Variants in SLC16A1 observed in about 807,000 individuals in gnomAD.
The protein encoded by SLC16A1 is solute carrier family 16 member 1, also known as monocarboxylate transporter 1.
SLC16A1 carries 11 observed loss-of-function variants against 32.2 expected under a neutral mutation model. The observed-to-expected ratio is 0.34, with a 90% CI of 0.21 to 0.56. The LOEUF (loss-of-function observed/expected upper bound fraction) is 0.56. SLC16A1 is among the 20% of genes least tolerant of loss of function. The pLI, the probability that SLC16A1 is intolerant of heterozygous loss-of-function variation, is 0.87. For missense variants in SLC16A1, 435 were observed against 615.0 expected (o/e 0.71, Z 3.10); for synonymous variants, 231 against 226.8 (o/e 1.02, Z -0.17).
At chr1:112,920,762 G>T (rs141208235) in intron 3 of SLC16A1, among the ~76,000 whole-genome samples, 56 of 151,932 alleles carry the variant, frequency 3.7e-4, no homozygotes, top group African/African-American at 1.4e-3. Flanking sequence ...CATAAAATAC[G>T]TTTTGAATAC....
intron 1 of SLC16A1, among the ~76,000 whole-genome samples, chr1:112,938,583 C>T (rs955990817): frequency 6.6e-6 from 1 of 152,152 alleles, no homozygotes; most frequent in East Asian, 1.9e-4. Context: ...AAAATATAAA[C>T]CTGTCTCTGC....
At chr1:112,931,954 G>T (rs914628088) in intron 1 of SLC16A1, among the ~76,000 whole-genome samples, 5 of 152,106 alleles carry the variant, frequency 3.3e-5, no homozygotes, top group Admixed American at 6.5e-5. Context: ...ACAGGTCAGA[G>T]ATGACAAGTT....
intron 2 of SLC16A1, among the ~76,000 whole-genome samples, chr1:112,923,242 C>A (rs925698483): frequency 6.9e-6 from 1 of 144,758 alleles, no homozygotes; most frequent in Admixed American, 6.9e-5. Context: ...TCATTTGAAT[C>A]CAGGAGGTGG....
intron 4 of SLC16A1, among the ~76,000 whole-genome samples, chr1:112,916,236 A>G (rs1648499406): frequency 6.7e-6 from 1 of 148,892 alleles, no homozygotes; most frequent in Non-Finnish European, 1.5e-5. Flanking sequence ...ATGGTGGCTC[A>G]TGCCTGTAAT....
intron 2 of SLC16A1, among the ~76,000 whole-genome samples, chr1:112,928,364 G>A (rs984497417): frequency 6.6e-6 from 1 of 152,204 alleles, no homozygotes; most frequent in Admixed American, 6.5e-5. Flanking sequence ...ACCTAGCCCA[G>A]TGCTGAATAT....
chr1:112,955,952 C>A (rs1298254200), intron 1 of SLC16A1, 83 bp downstream of exon 1: 1 of 152,312 alleles, frequency 6.6e-6, no homozygotes, highest in African/African-American at 2.4e-5. Context: ...TCTCCCAACC[C>A]CGGAGGTCCC....
chr1:112,940,192 C>G (rs979477941), intron 1 of SLC16A1, among the ~76,000 whole-genome samples: 10 of 151,790 alleles, frequency 6.6e-5, no homozygotes, highest in African/African-American at 2.2e-4. Context: ...CATGAGACAC[C>G]ATGCCTGGCT....
At chr1:112,941,927 C>G (rs934172335) in intron 1 of SLC16A1, among the ~76,000 whole-genome samples, 10 of 152,096 alleles carry the variant, frequency 6.6e-5, no homozygotes, top group African/African-American at 2.4e-4. Context: ...CCCTTAATTT[C>G]CAGCCTTTCT....
In SLC16A1 at chr1:112,917,336, C is replaced by G; in HGVS notation, c.1070G>C (p.Cys357Ser). Reference sequence around the variant, plus strand: ...AAATCCAAAGAATCCCGCATAGACACAGAATCCAACATAGGTAGTGGATAA... The same window carrying G: ...AAATCCAAAGAATCCCGCATAGACAGAGAATCCAACATAGGTAGTGGATAA... ...APLSTTYVGFCVYAGFFGFAF... is the reference protein window; with the variant it reads ...APLSTTYVGFSVYAGFFGFAF... Residue 357 changes from cysteine (C) to serine (S), a missense_variant, in exon 4 of 5, where the codon TGT (cysteine) becomes TCT (serine). Coordinates refer to ENST00000369626, the MANE Select transcript of SLC16A1 (RefSeq NM_003051.4). This position sits in a 1 kb window ranked among gnomAD's most constrained non-coding sequence, Gnocchi z 4.1. 6.2e-7 allele frequency: 1 copy of G among 1,614,218 alleles called. No homozygotes were observed. The highest frequency in any genetic ancestry group is 8.5e-7 in the Non-Finnish European group (1 of 1,180,042).
intron 1 of SLC16A1, among the ~76,000 whole-genome samples, chr1:112,932,179 T>TA (rs1407857931): frequency 1.3e-5 from 2 of 152,038 alleles, no homozygotes; most frequent in African/African-American, 2.4e-5. Flanking sequence ...CATTCTACTA[T>TA]AGGTTCTAGC....
intron 2 of SLC16A1, chr1:112,922,426 CT>C: frequency 2.4e-6 from 1 of 416,496 alleles, no homozygotes; most frequent in Non-Finnish European, 4.5e-6. Flanking sequence ...CTGAAAACAC[CT>C]TGGTAATGGA....
chr1:112,954,406 C>T (rs973259950), intron 1 of SLC16A1, among the ~76,000 whole-genome samples: 6 of 152,200 alleles, frequency 3.9e-5, no homozygotes, highest in African/African-American at 1.4e-4. Context: ...TGTTAGATCA[C>T]TTAATCCCTC....
At chr1:112,918,161 T>C (rs1393449619) in intron 3 of SLC16A1, 117 bp from the exon 4 acceptor site, 1 of 793,626 alleles carries the variant, frequency 1.3e-6, no homozygotes, top group Non-Finnish European at 1.6e-6. Flanking sequence ...AGAGGACATG[T>C]TATGTAGTGG....
intron 1 of SLC16A1, among the ~76,000 whole-genome samples, chr1:112,949,142 C>G (rs1649804101): frequency 6.6e-6 from 1 of 152,132 alleles, no homozygotes; most frequent in African/African-American, 2.4e-5. Context: ...CTCCACCTCT[C>G]AGGTTCAAGC....
intron 1 of SLC16A1, chr1:112,935,794 G>A (rs1340853584): frequency 1.3e-5 from 2 of 152,192 alleles, no homozygotes; most frequent in Non-Finnish European, 2.9e-5. Context: ...TGACAAAACA[G>A]TCTTCCTGAC....
intron 1 of SLC16A1, among the ~76,000 whole-genome samples, chr1:112,936,842 A>G (rs1364661828): frequency 6.6e-6 from 1 of 152,198 alleles, no homozygotes; most frequent in Non-Finnish European, 1.5e-5. Context: ...ATTCCTTCAA[A>G]AATATAACCC....
At position 112,917,829 on chromosome 1, in the gene SLC16A1, C is replaced by T. The variant is rs772596609; in HGVS notation, c.577G>A (p.Ala193Thr). ...TTGGGCCCGATTGGTCGCATGAGGGCTCCAGCAACACAGCAGTTTAGTAGC... is the reference window on the plus strand; with the variant it reads ...TTGGGCCCGATTGGTCGCATGAGGGTTCCAGCAACACAGCAGTTTAGTAGC... ...GLLLNCCVAG[A>T]LMRPIGPKPT... The change falls in exon 4 of 5, where the codon GCC (alanine) becomes ACC (threonine). Residue 193 changes from alanine to threonine, a missense_variant. Physicochemically the swap from Ala to Thr is moderately conservative, Grantham distance 58. Around this residue, in one of 2 missense-constraint regions of SLC16A1, gnomAD observed 324 missense variants for 500.3 expected, o/e 0.65. Coordinates refer to ENST00000369626, the MANE Select transcript of SLC16A1 (RefSeq NM_003051.4). The surrounding 1 kb of genome is among the most constrained non-coding windows in gnomAD (Gnocchi z 4.1). 5.0e-6 allele frequency: 8 copies of T among 1,613,982 alleles called. 1 individual carries two copies. The South Asian group carries it at 6.6e-5, about 13-fold the overall frequency.
chr1:112,923,431 G>A, intron 2 of SLC16A1: 1 of 681,156 alleles, frequency 1.5e-6, no homozygotes. Flanking sequence ...TCATGTCCCG[G>A]CCCTCCACGG....
chr1:112,935,012 C>G (rs1649250835), intron 1 of SLC16A1, among the ~76,000 whole-genome samples: 1 of 152,122 alleles, frequency 6.6e-6, no homozygotes, highest in Admixed American at 6.5e-5. Context: ...AGACATAAAA[C>G]AAGGCATTTA....
Sources: allele counts gnomAD v4.1 joint callset (sites outside exome capture counted in the v4.1 genomes callset), GRCh38; gene constraint gnomAD v4.1.1; regional missense constraint gnomAD v4.1.1; non-coding constraint Gnocchi (gnomAD v3.1); transcripts MANE v1.5; gene names NCBI Gene and HGNC (gene_info 2026-07-23, HGNC 2026-07-21).